The following MCM8 variants were observed in gnomAD, a reference collection of about 807,000 sequenced individuals.
MCM8 encodes the protein minichromosome maintenance 8 homologous recombination repair factor, also known as DNA helicase MCM8.
MCM8 carries 85 observed loss-of-function variants against 98.9 expected under a neutral mutation model. That is an observed-to-expected ratio of 0.86 (90% CI 0.72 to 1.03). The LOEUF is 1.03. Among genes scored for constraint, MCM8 ranks in the 50% least tolerant of loss-of-function variants. MCM8 has a pLI of 0.00. For missense variants in MCM8, 951 were observed against 997.8 expected, an observed-to-expected ratio of 0.95 and a Z score of 0.63; for synonymous variants, 352 against 338.6, an observed-to-expected ratio of 1.04 and a Z score of -0.44.
In MCM8 at chr20:5,985,948, C is replaced by T. The variant is rs767087665; in HGVS notation, c.1980C>T (p.Pro660=). Residue 660 remains proline, a synonymous_variant, in exon 16 of 19, where the codon CCC becomes CCT. Transcript: ENST00000610722. Reference sequence around the variant, plus strand: ...TGGTTCCTGGAGAAACAATAGATCCCATTCCCCACCAGCTATTGAGAAAGT... The same window carrying T: ...TGGTTCCTGGAGAAACAATAGATCCTATTCCCCACCAGCTATTGAGAAAGT... The part of the protein sequence containing the change: ...LKVVPGETID[P]IPHQLLRKYI... 5.6e-6 allele frequency: 9 copies of T among 1,614,182 alleles called. No homozygotes were observed. Among genetic ancestry groups the T allele is most frequent in the East Asian group, 2.2e-5 (1 of 44,882 alleles).
At position 5,967,526 on chromosome 20, in the gene MCM8, C is replaced by CT; in HGVS notation, c.967dup (p.Cys323LeufsTer25). On this transcript the variant is annotated frameshift_variant, in exon 9 of 19. Coordinates refer to ENST00000610722, the MANE Select transcript of MCM8 (RefSeq NM_032485.6). LOFTEE classifies it high-confidence loss of function. ...AGCTTGTTCATGATCTTGTGGATAG[C>CT]TGTGTCCCGGGAGACACAGTGACTA... The CT allele has an allele frequency of 6.2e-7, 1 of 1,610,784 alleles. No homozygotes were observed. Among genetic ancestry groups the CT allele is most frequent in the Non-Finnish European group, 8.5e-7 (1 of 1,179,212 alleles).
chr20:5,977,538 AT>A (rs1393333179), intron 12 of MCM8, among the ~76,000 whole-genome samples: 10 of 152,232 alleles, frequency 6.6e-5, no homozygotes, highest in Non-Finnish European at 1.2e-4. Flanking sequence ...ATTGGTACTC[AT>A]GTTTTTGCTT....
intron 17 of MCM8, among the ~76,000 whole-genome samples, chr20:5,987,942 A>G (rs567506895): frequency 3.0e-4 from 46 of 152,328 alleles, no homozygotes; most frequent in Non-Finnish European, 6.5e-4. Flanking sequence ...AGTAAATACT[A>G]TAGGTTTTTG....
In MCM8 at chr20:5,964,991, A is replaced by T. The variant is rs116477696; in HGVS notation, c.875+1632A>T. On this transcript the variant is annotated intron_variant, in intron 8 of 18. Transcript: ENST00000610722. Reference sequence around the variant, plus strand: ...TCCTTCGCTTTACTGCAGTCATTCTATGTGAGCTGAGGACATTAGAAACAT... The same window carrying T: ...TCCTTCGCTTTACTGCAGTCATTCTTTGTGAGCTGAGGACATTAGAAACAT... Among the ~76,000 whole-genome samples the T allele has an allele frequency of 2.0e-5, 3 of 152,282 alleles. 1 individual carries two copies. The highest frequency in any genetic ancestry group is 2.0e-4 in the Admixed American group (3 of 15,294).
At chr20:5,963,600 C>G (rs1171355592) in intron 8 of MCM8, among the ~76,000 whole-genome samples, 1 of 143,708 alleles carries the variant, frequency 7.0e-6, no homozygotes, top group Non-Finnish European at 1.5e-5. Context: ...GCGATCTTGG[C>G]TCACTGCAAG....
At position 5,994,620 on chromosome 20, in the gene MCM8, C is replaced by T. The variant is rs527379236; in HGVS notation, c.*229C>T. The T allele has an allele frequency of 8.0e-6, 4 of 497,324 alleles. No homozygotes were observed. The highest frequency in any genetic ancestry group is 1.4e-5 in the Non-Finnish European group (4 of 276,908). The allele number at this position is 497,324 out of a possible 1,614,324, so 30.8% of individuals were successfully genotyped here. The stretch of plus-strand genomic sequence containing the variant: ...ACTAATTTAAGAAGTGATAAAGTCT[C>T]CAGATGCAGTAGCTCACACTGTAAT... On this transcript the variant is annotated 3_prime_UTR_variant, in exon 19 of 19. Transcript: ENST00000610722.
At chr20:5,986,835 T>C (rs2089744249) in intron 16 of MCM8, among the ~76,000 whole-genome samples, 3 of 152,198 alleles carry the variant, frequency 2.0e-5, no homozygotes, top group Admixed American at 2.0e-4. Flanking sequence ...TTTTTTTGTT[T>C]GTTTGCCCTG....
At position 5,984,962 on chromosome 20, in the gene MCM8, G is replaced by C; in HGVS notation, c.1915G>C (p.Glu639Gln). ...TCAAGATTCAAATACTTCCGTACTT[G>C]AAGTAGTTTCTGAGAAGCCATTATC... ...NSQDSNTSVL[E>Q]VVSEKPLSER... Residue 639 changes from glutamate to glutamine, a missense_variant, in exon 15 of 19, where the codon GAA becomes CAA. Glu to Gln is a conservative substitution (Grantham distance 29). Coordinates refer to ENST00000610722, the MANE Select transcript of MCM8 (RefSeq NM_032485.6). The C allele has an allele frequency of 6.2e-7, 1 of 1,614,052 alleles. No individual in the cohort carries two copies. Among genetic ancestry groups the C allele is most frequent in the Non-Finnish European group, 8.5e-7 (1 of 1,179,980 alleles).
Position 5,993,681 on chromosome 20 carries a change from G to A in MCM8, c.2416G>A (p.Glu806Lys). Residue 806 changes from glutamate (E) to lysine (K), a missense_variant, in exon 18 of 19, where the codon GAA becomes AAA. By Grantham distance (56) the Glu-to-Lys change is moderately conservative. Transcript: ENST00000610722. ...QFHQLRQIAK[E>K]LNIQVADFEN... ...TCATCAACTTCGGCAGATTGCCAAAGAACTAAACATTCAGGTATGTTAAAC... is the reference window on the plus strand; with the variant it reads ...TCATCAACTTCGGCAGATTGCCAAAAAACTAAACATTCAGGTATGTTAAAC... 1 of 1,601,782 alleles carries A rather than the reference G, an allele frequency of 6.2e-7. No individual in the cohort carries two copies. Among genetic ancestry groups the A allele is most frequent in the Non-Finnish European group, 8.5e-7 (1 of 1,172,264 alleles).
chr20:5,980,163 A>T (rs1335640472), intron 13 of MCM8, among the ~76,000 whole-genome samples: 3 of 152,126 alleles, frequency 2.0e-5, no homozygotes. Flanking sequence ...CCGTATTTTA[A>T]CTTATAACCT....
chr20:5,961,343 T>C (rs145122829), intron 7 of MCM8, among the ~76,000 whole-genome samples: 99 of 152,354 alleles, frequency 6.5e-4, no homozygotes, highest in Non-Finnish European at 1.3e-3. Context: ...GTTATCACCA[T>C]TGGGCTTTAC....
At position 5,977,943 on chromosome 20, in the gene MCM8, C is replaced by T. The variant is rs374760284; in HGVS notation, c.1463C>T (p.Thr488Met). The T allele has an allele frequency of 1.3e-5, 21 of 1,614,094 alleles. No homozygotes were observed. The highest frequency in any genetic ancestry group is 1.7e-5 in the Non-Finnish European group (20 of 1,180,036). The change falls in exon 13 of 19, where the codon ACG (threonine) becomes ATG (methionine). Residue 488 changes from threonine (T) to methionine (M), a missense_variant. Physicochemically the swap from Thr to Met is moderately conservative, Grantham distance 81. Transcript: ENST00000610722. ...CGNTTTTSGL[T>M]VTLSKDSSSG... ...AACACCACGACCACCTCTGGTCTGA[C>T]GGTAACTCTTTCAAAAGATAGTTCC...
intron 17 of MCM8, among the ~76,000 whole-genome samples, chr20:5,988,323 G>A (rs1319864990): frequency 1.3e-5 from 2 of 152,060 alleles, no homozygotes; most frequent in African/African-American, 2.4e-5. Flanking sequence ...TTAGCTGGGC[G>A]TGGTGGCTAG....
chr20:5,991,598 T>C (rs1339880184), intron 17 of MCM8: 1 of 152,226 alleles, frequency 6.6e-6, no homozygotes, highest in Non-Finnish European at 1.5e-5. Flanking sequence ...AATAGTTTGA[T>C]TGGAATTACC....
intron 17 of MCM8, 102 bp from the exon 18 acceptor site, chr20:5,993,404 T>C: frequency 1.2e-6 from 1 of 829,952 alleles, no homozygotes; most frequent in Non-Finnish European, 1.8e-6. Flanking sequence ...TAAGTGAGCC[T>C]TGTGGCTACT....
rs2089662819 is a variant in MCM8 at position 5,983,159 on chromosome 20, A to C, written c.1727A>C (p.Asn576Thr). The C allele has an allele frequency of 8.7e-6, 14 of 1,610,038 alleles. No homozygotes were observed. The highest frequency in any genetic ancestry group is 1.3e-5 in the African/African-American group (1 of 74,798). ...AATAAAGCCAAAACAGTTTCTGAGA[A>C]TTTAAAGTAAGTCTCTTCAAATATT... ...HYNKAKTVSE[N>T]LKMGSALLSR... The change falls in exon 14 of 19, where the codon AAT (asparagine) becomes ACT (threonine). Residue 576 changes from asparagine (N) to threonine (T), a missense_variant. Asn to Thr is a moderately conservative substitution (Grantham distance 65). Coordinates refer to ENST00000610722, the MANE Select transcript of MCM8 (RefSeq NM_032485.6).
chr20:5,963,333 A>G lies in MCM8; in HGVS notation c.849A>G (p.Thr283=). 1 of 1,614,066 alleles carries G rather than the reference A, an allele frequency of 6.2e-7. No individual in the cohort carries two copies. Among genetic ancestry groups the G allele is most frequent in the South Asian group, 1.1e-5 (1 of 91,074 alleles). ...CTGCTCTCCGCAGCTCTCCTCTCACAGTTACGATGGACTGGCAGTCAATCA... is the reference window on the plus strand; with the variant it reads ...CTGCTCTCCGCAGCTCTCCTCTCACGGTTACGATGGACTGGCAGTCAATCA... ...SFTALRSSPL[T]VTMDWQSIKI... The change falls in exon 8 of 19, where the codon ACA becomes ACG. Residue 283 remains threonine (T), a synonymous_variant. Coordinates refer to ENST00000610722, the MANE Select transcript of MCM8 (RefSeq NM_032485.6).
In MCM8 at chr20:5,997,495, C is replaced by T. The variant is rs236126; in HGVS notation, c.*3104C>T. 0.3 allele frequency: 45,986 copies of T among 152,202 alleles called. 9,165 individuals carry two copies. Among genetic ancestry groups the T allele is most frequent in the African/African-American group, 0.57 (23,462 of 41,452 alleles). The allele number at this position is 152,202 out of a possible 1,614,324, so 9.4% of individuals were successfully genotyped here. A position where few individuals can be genotyped will look rare whatever the true frequency, so the allele number is the denominator to read the frequency against. On this transcript the variant is annotated 3_prime_UTR_variant, in exon 19 of 19. Transcript: ENST00000610722. ...TGTGCCCAGCCAAAAGTTTCTTTTT[C>T]AAGAGATGGTGGTCTTGCCATGTTG...
In MCM8 at chr20:5,985,079, T is replaced by C. The variant is rs1293355153; in HGVS notation, c.1953+79T>C. 28 of 1,168,068 alleles carry C rather than the reference T, an allele frequency of 2.4e-5. No homozygotes were observed. In the Middle Eastern group the frequency reaches 1.4e-3, roughly 59 times the overall value. The allele number at this position is 1,168,068 out of a possible 1,614,324, so 72.4% of individuals were successfully genotyped here. ...CAGTGTGTGGCTTATTGTAGAGCAGTAGGATACAAACTTTTTTTTTACCAG... is the reference window on the plus strand; with the variant it reads ...CAGTGTGTGGCTTATTGTAGAGCAGCAGGATACAAACTTTTTTTTTACCAG... On this transcript the variant is annotated intron_variant, in intron 15 of 18. Coordinates refer to ENST00000610722, the MANE Select transcript of MCM8 (RefSeq NM_032485.6).
Sources: gnomAD v4.1 joint callset for allele counts (sites outside exome capture counted in the v4.1 genomes callset) on GRCh38, gnomAD v4.1.1 for gene constraint, MANE v1.5 for transcripts, NCBI Gene and HGNC (gene_info 2026-07-23, HGNC 2026-07-21) for gene names.